GRID1: variants seen among roughly 807,000 people sequenced by gnomAD.
GRID1 encodes glutamate ionotropic receptor delta type subunit 1.
GRID1 carries 28 observed loss-of-function variants against 98.0 expected under a neutral mutation model. The observed-to-expected ratio is 0.29, with a 90% CI of 0.21 to 0.39. The LOEUF (loss-of-function observed/expected upper bound fraction) is 0.39, where lower values mean the gene tolerates loss of function less well. Ranked by LOEUF, GRID1 falls within the 10% of genes least tolerant of loss-of-function variation. The pLI is 1.00. For missense variants in GRID1, 1,111 were observed against 1,340.5 expected (o/e 0.83, Z 2.67); for synonymous variants, 553 against 538.5 (o/e 1.03, Z -0.37).
At chr10:86,112,248 A>G (rs1044847363) in intron 4 of GRID1, among the ~76,000 whole-genome samples, 1 of 152,200 alleles carries the variant, frequency 6.6e-6, no homozygotes, top group Non-Finnish European at 1.5e-5. Flanking sequence ...CTCACGCCAC[A>G]TCTGCAGGAT....
intron 3 of GRID1, among the ~76,000 whole-genome samples, chr10:86,143,715 A>T (rs575955189): frequency 6.6e-6 from 1 of 152,326 alleles, no homozygotes; most frequent in Non-Finnish European, 1.5e-5. Flanking sequence ...TGAGAAAGGC[A>T]AGAGCCACCA....
chr10:86,363,819 G>A, intron 2 of GRID1, 122 bp downstream of exon 2: 1 of 812,492 alleles, frequency 1.2e-6, no homozygotes, highest in Admixed American at 2.7e-5. Flanking sequence ...GCATGGCACC[G>A]CGGCTGCCGA....
chr10:85,741,367 T>C (rs1308373197), intron 8 of GRID1, among the ~76,000 whole-genome samples: 1 of 152,146 alleles, frequency 6.6e-6, no homozygotes, highest in Non-Finnish European at 1.5e-5. Context: ...GAATAATAAA[T>C]ATATATTTTT....
intron 8 of GRID1, among the ~76,000 whole-genome samples, chr10:85,738,292 C>T (rs1271340203): frequency 6.6e-6 from 1 of 152,108 alleles, no homozygotes; most frequent in Non-Finnish European, 1.5e-5. Flanking sequence ...ATACATGCTC[C>T]ATATCATGAG....
chr10:86,310,305 A>G (rs540999414), intron 2 of GRID1, among the ~76,000 whole-genome samples: 1 of 151,940 alleles, frequency 6.6e-6, no homozygotes, highest in African/African-American at 2.4e-5. Flanking sequence ...TGCTCTTCTC[A>G]ATGGACTGTA....
intron 4 of GRID1, among the ~76,000 whole-genome samples, chr10:85,961,131 G>A (rs1254908755): frequency 6.6e-6 from 1 of 152,126 alleles, no homozygotes; most frequent in Non-Finnish European, 1.5e-5. Context: ...GAACAGAACA[G>A]AGTGATAATA....
chr10:85,602,923 G>A (rs925195211), intron 15 of GRID1, among the ~76,000 whole-genome samples: 14 of 152,190 alleles, frequency 9.2e-5, no homozygotes, highest in Non-Finnish European at 4.4e-5. Context: ...CAAAGAAGAT[G>A]CCATCAACAG....
At chr10:85,939,081 C>A (rs1412655151) in intron 4 of GRID1, among the ~76,000 whole-genome samples, 1 of 152,174 alleles carries the variant, frequency 6.6e-6, no homozygotes, top group Non-Finnish European at 1.5e-5. Context: ...GCAGGTGGGT[C>A]ATTGCTCAGT....
chr10:85,918,293 T>G (rs1045939106), intron 4 of GRID1, among the ~76,000 whole-genome samples: 2 of 152,172 alleles, frequency 1.3e-5, no homozygotes, highest in East Asian at 3.9e-4. Flanking sequence ...AAATGAAGTT[T>G]GAAAGCAACA....
In GRID1 at chr10:85,970,837, G is replaced by A. The variant is rs1162685214; in HGVS notation, c.727-54598C>T. ...CTGGAGATTCTAGTCATGCAAATCA[G>A]GCAAGAAAAGGAAATTTTAAAACAT... On this transcript the variant is annotated intron_variant, in intron 4 of 15. Transcript: ENST00000327946. Among the ~76,000 whole-genome samples the A allele has an allele frequency of 2.6e-5, 4 of 151,946 alleles. No individual in the cohort carries two copies. In the East Asian group the frequency reaches 5.8e-4, roughly 22 times the overall value.
At position 86,206,690 on chromosome 10, in the gene GRID1, G is replaced by T; in HGVS notation, c.236-42C>A. 1 of 1,559,084 alleles carries T rather than the reference G, an allele frequency of 6.4e-7. No individual in the cohort carries two copies. Among genetic ancestry groups the T allele is most frequent in the Middle Eastern group, 1.7e-4 (1 of 5,830 alleles). On this transcript the variant is annotated intron_variant, in intron 2 of 15. Coordinates refer to ENST00000327946, the MANE Select transcript of GRID1 (RefSeq NM_017551.3). This position sits in a 1 kb window ranked among gnomAD's most constrained non-coding sequence, Gnocchi z 4.1. ...GAGAGAGGAAGGGGTCAGCATCAGG[G>T]CGATGCTGCACCAGCTTCAACCTGC...
chr10:86,084,279 G>A (rs188440715), intron 4 of GRID1, among the ~76,000 whole-genome samples: 19 of 151,918 alleles, frequency 1.3e-4, no homozygotes, highest in Admixed American at 5.9e-4. Flanking sequence ...AAATGAGGAG[G>A]CCTTATACTC....
intron 12 of GRID1, among the ~76,000 whole-genome samples, chr10:85,658,234 T>C (rs1321505010): frequency 6.6e-6 from 1 of 152,154 alleles, no homozygotes; most frequent in Non-Finnish European, 1.5e-5. Context: ...CTCTTCTCCT[T>C]CCTTTCAAAT....
chr10:86,161,070 G>A (rs1361481601), intron 3 of GRID1, among the ~76,000 whole-genome samples: 1 of 152,190 alleles, frequency 6.6e-6, no homozygotes, highest in Non-Finnish European at 1.5e-5. Context: ...CATTGTCCCA[G>A]GCCTCCCACC....
chr10:86,148,253 G>A (rs1564690042), intron 3 of GRID1, among the ~76,000 whole-genome samples: 1 of 152,216 alleles, frequency 6.6e-6, no homozygotes, highest in Non-Finnish European at 1.5e-5. Context: ...TGAAGAAAAC[G>A]TGGTGTACAT....
intron 4 of GRID1, among the ~76,000 whole-genome samples, chr10:86,080,381 G>C (rs1564668571): frequency 1.6e-5 from 1 of 63,542 alleles, no homozygotes; most frequent in Non-Finnish European, 3.0e-5. Context: ...AAAAAGGAAA[G>C]GAAAGGGAAG....
At chr10:86,323,124 G>C (rs927963278) in intron 2 of GRID1, among the ~76,000 whole-genome samples, 13 of 152,086 alleles carry the variant, frequency 8.5e-5, no homozygotes, top group Admixed American at 6.5e-4. Context: ...ATCAAAGGGA[G>C]AAAGGAAAAA....
At chr10:85,881,051 G>T (rs57873516) in intron 5 of GRID1, among the ~76,000 whole-genome samples, 2,377 of 152,206 alleles carry the variant, frequency 0.016, 70 homozygotes, top group African/African-American at 0.053. Context: ...AAATACCTAG[G>T]AATCCAACTT....
chr10:85,992,694 A>T (rs754164055), intron 4 of GRID1, among the ~76,000 whole-genome samples: 6 of 152,140 alleles, frequency 3.9e-5, no homozygotes, highest in Non-Finnish European at 7.4e-5. Context: ...TCACGTTTGT[A>T]ATTCTGGTGC....
Sources: allele counts gnomAD v4.1 joint callset (sites outside exome capture counted in the v4.1 genomes callset), GRCh38; gene constraint gnomAD v4.1.1; non-coding constraint Gnocchi (gnomAD v3.1); transcripts MANE v1.5; gene names NCBI Gene and HGNC (gene_info 2026-07-23, HGNC 2026-07-21).